TTF2: variants seen among roughly 807,000 people sequenced by gnomAD.
TTF2 encodes the protein transcription termination factor 2.
In TTF2, 108 loss-of-function variants were observed where a neutral mutation model predicts 142.4. The observed-to-expected ratio is 0.76, with a 90% confidence interval of 0.65 to 0.89. TTF2 has a LOEUF of 0.89. Among genes scored for constraint, TTF2 ranks in the 40% least tolerant of loss-of-function variants. The probability of loss-of-function intolerance (pLI) is 0.00; values close to 1 mark genes in which losing one functional copy is unlikely to be tolerated. For missense variants in TTF2, 1,327 were observed against 1,379.8 expected (o/e 0.96, Z 0.61); for synonymous variants, 483 against 506.2 (o/e 0.95, Z 0.61).
In TTF2 at chr1:117,075,748, T is replaced by C; in HGVS notation, c.1164T>C (p.Asp388=). 1 of 1,614,166 alleles carries C rather than the reference T, an allele frequency of 6.2e-7. No homozygotes were observed. The highest frequency in any genetic ancestry group is 8.5e-7 in the Non-Finnish European group (1 of 1,180,026). Residue 388 remains aspartate (D), a synonymous_variant, in exon 5 of 23, where the codon GAT becomes GAC. Transcript: ENST00000369466. The surrounding 1 kb of genome is among the most constrained non-coding windows in gnomAD (Gnocchi z 4.5). ...LETKENLQFP[D]RSVQRKVSPA... ...CGAAGGAAAACCTCCAATTCCCTGA[T>C]CGAAGTGTGCAAAGAAAGGTGTCTC...
At position 117,076,053 on chromosome 1, in the gene TTF2, C is replaced by G; in HGVS notation, c.1276-127C>G. 2 of 1,289,214 alleles carry G rather than the reference C, an allele frequency of 1.6e-6. No individual in the cohort carries two copies. Among genetic ancestry groups the G allele is most frequent in the Non-Finnish European group, 2.1e-6 (2 of 952,686 alleles). The allele number at this position is 1,289,214 out of a possible 1,614,324, so 79.9% of individuals were successfully genotyped here. A position where few individuals can be genotyped will look rare whatever the true frequency, so the allele number is the denominator to read the frequency against. ...GCTGGGTTAAAATTTAAAAAAGGTT[C>G]TGGTTTTTGCACACATATTTAAAAG... is the stretch of plus-strand genomic sequence containing the variant. On this transcript the variant is annotated intron_variant, in intron 5 of 22. Coordinates refer to ENST00000369466, the MANE Select transcript of TTF2 (RefSeq NM_003594.4). The surrounding 1 kb of genome is among the most constrained non-coding windows in gnomAD (Gnocchi z 4.6).
chr1:117,067,377 A>T (rs924732528), intron 3 of TTF2, among the ~76,000 whole-genome samples: 1 of 152,046 alleles, frequency 6.6e-6, no homozygotes, highest in African/African-American at 2.4e-5. Flanking sequence ...TAAAAATACA[A>T]AAAATAGCCG....
Position 117,075,294 on chromosome 1 carries a change from A to T in TTF2, c.710A>T (p.Gln237Leu), listed in dbSNP as rs1656899131. The part of the protein sequence containing the change: ...NELTRPSASS[Q>L]EKSSGKSQDV... ...CTTACAAGACCATCTGCATCTTCTC[A>T]GGAGAAATCAAGTGGTAAGAGTCAA... Residue 237 changes from glutamine (Q) to leucine (L), a missense_variant, in exon 5 of 23, where the codon CAG (glutamine) becomes CTG (leucine). By Grantham distance (113) the Gln-to-Leu change is moderately radical. Transcript: ENST00000369466. The surrounding 1 kb of genome is among the most constrained non-coding windows in gnomAD (Gnocchi z 4.5). 1 of 1,614,232 alleles carries T rather than the reference A, an allele frequency of 6.2e-7. No homozygotes were observed. The highest frequency in any genetic ancestry group is 2.2e-5 in the East Asian group (1 of 44,888).
intron 7 of TTF2, among the ~76,000 whole-genome samples, chr1:117,077,112 A>G (rs1216662946): frequency 1.3e-5 from 2 of 148,804 alleles, no homozygotes; most frequent in African/African-American, 4.9e-5. Flanking sequence ...ACGTATGGGG[A>G]AAAAAAAAAG....
rs947676853 is a variant in TTF2, at chr1:117,097,217, AC to A, written c.3187-133del. 10 of 742,130 alleles carry A rather than the reference AC, an allele frequency of 1.3e-5. No homozygotes were observed. The highest frequency in any genetic ancestry group is 3.6e-5 in the African/African-American group (2 of 55,686). The allele number at this position is 742,130 out of a possible 1,614,324, so 46.0% of individuals were successfully genotyped here. ...TAGCATTATAATGTTAAAAAAAAAAACAATTTATAACAGCAGAAGGAAATTT... is the reference window on the plus strand; with the variant it reads ...TAGCATTATAATGTTAAAAAAAAAAAAATTTATAACAGCAGAAGGAAATTT... On this transcript the variant is annotated intron_variant, in intron 20 of 22. Transcript: ENST00000369466. The surrounding 1 kb of genome is among the most constrained non-coding windows in gnomAD (Gnocchi z 4.1).
intron 18 of TTF2, among the ~76,000 whole-genome samples, chr1:117,094,069 T>C (rs1256367762): frequency 6.6e-6 from 1 of 152,248 alleles, no homozygotes; most frequent in African/African-American, 2.4e-5. Flanking sequence ...AAATAACAGA[T>C]GTAGCTGCTT....
At chr1:117,074,680 G>A (rs1238069065) in intron 4 of TTF2, among the ~76,000 whole-genome samples, 190 bp from the exon 5 acceptor site, 1 of 151,424 alleles carries the variant, frequency 6.6e-6, no homozygotes, top group East Asian at 1.9e-4. Flanking sequence ...ACTGGAGAGG[G>A]GAGGAGGGCA....
At chr1:117,072,087 G>C (rs762738209) in intron 3 of TTF2, among the ~76,000 whole-genome samples, 4 of 152,180 alleles carry the variant, frequency 2.6e-5, no homozygotes, top group Non-Finnish European at 4.4e-5. Flanking sequence ...AAGTCTAGTA[G>C]ACTGGAGGGT....
Position 117,074,972 on chromosome 1 carries a change from G to A in TTF2, c.388G>A (p.Asp130Asn), listed in dbSNP as rs926315013. 1 of 1,613,860 alleles carries A rather than the reference G, an allele frequency of 6.2e-7. No individual in the cohort carries two copies. The highest frequency in any genetic ancestry group is 8.5e-7 in the Non-Finnish European group (1 of 1,179,986). ...GCTGAGAAATCCATTCAAGGTACTT[G>A]ACAAGAATCAAGAACCAGCTCTCTG... ...NWLRNPFKVL[D>N]KNQEPALWKQ... Residue 130 changes from aspartate to asparagine, a missense_variant, in exon 5 of 23, where the codon GAC (aspartate) becomes AAC (asparagine). Coordinates refer to ENST00000369466, the MANE Select transcript of TTF2 (RefSeq NM_003594.4).
intron 19 of TTF2, 29 bp downstream of exon 19, chr1:117,095,396 T>TTGGTCATAATTATGTGAGAAA (rs1649029361): frequency 6.2e-7 from 1 of 1,606,526 alleles, no homozygotes; most frequent in African/African-American, 1.3e-5. Flanking sequence ...TATCCAAGTA[T>TTGGTCATAATTATGTGAGAAA]TGGTCATAAT....
chr1:117,062,710 A>G (rs1655785252), intron 3 of TTF2, among the ~76,000 whole-genome samples: 1 of 152,220 alleles, frequency 6.6e-6, no homozygotes, highest in Admixed American at 6.5e-5. Flanking sequence ...ATCCCTCTCC[A>G]ACTGTCAGGT....
rs1278340648 is a variant in TTF2, at chr1:117,088,861, A to G, written c.2221A>G (p.Asn741Asp). The change falls in exon 13 of 23, where the codon AAT (asparagine) becomes GAT (aspartate). Residue 741 changes from asparagine (N) to aspartate (D), a missense_variant. Coordinates refer to ENST00000369466, the MANE Select transcript of TTF2 (RefSeq NM_003594.4). ...WARIILDEAH[N>D]VKNPRVQTSI... ...TCGAATCATATTGGATGAAGCTCACAATGTTAAGAATCCCCGAGTGCAGAC... is the reference window on the plus strand; with the variant it reads ...TCGAATCATATTGGATGAAGCTCACGATGTTAAGAATCCCCGAGTGCAGAC... The G allele has an allele frequency of 6.2e-7, 1 of 1,614,076 alleles. No individual in the cohort carries two copies. The highest frequency in any genetic ancestry group is 1.7e-5 in the Admixed American group (1 of 60,002).
At chr1:117,096,424 C>T (rs1649155315) in intron 20 of TTF2, 125 bp downstream of exon 20, 1 of 1,250,796 alleles carries the variant, frequency 8.0e-7, no homozygotes, top group African/African-American at 1.5e-5. Context: ...GTTGCCCAGG[C>T]TGGACTGCAA....
chr1:117,076,289 A>C lies in TTF2; in HGVS notation c.1385A>C (p.Glu462Ala). 6.2e-7 allele frequency: 1 copy of C among 1,613,470 alleles called. No homozygotes were observed. Among genetic ancestry groups the C allele is most frequent in the East Asian group, 2.2e-5 (1 of 44,872 alleles). ...CTCAGTGGTCTTACCCTTTCCCCAG[A>C]GCAAGGTAAAGTGGCTTATGCCTCA... ...EVLSGLTLSP[E>A]QGTNEKSNSQ... The change falls in exon 6 of 23, where the codon GAG (glutamate) becomes GCG (alanine). Residue 462 changes from glutamate to alanine, a missense_variant. Physicochemically the swap from Glu to Ala is moderately radical, Grantham distance 107. Coordinates refer to ENST00000369466, the MANE Select transcript of TTF2 (RefSeq NM_003594.4). This position sits in a 1 kb window ranked among gnomAD's most constrained non-coding sequence, Gnocchi z 4.6.
chr1:117,100,844 C>T lies in TTF2; in HGVS notation c.3345-536C>T, dbSNP rs746988277. Among the ~76,000 whole-genome samples, 13 of 152,176 alleles carry T rather than the reference C, an allele frequency of 8.5e-5. No individual in the cohort carries two copies. Among genetic ancestry groups the T allele is most frequent in the Non-Finnish European group, 1.8e-4 (12 of 68,024 alleles). ...TTATTGTTTATTTTCATGTTTGTCTCGCTTTTGTTCTGCTTTGGAGCAAGA... is the reference window on the plus strand; with the variant it reads ...TTATTGTTTATTTTCATGTTTGTCTTGCTTTTGTTCTGCTTTGGAGCAAGA... On this transcript the variant is annotated intron_variant, in intron 22 of 22. Coordinates refer to ENST00000369466, the MANE Select transcript of TTF2 (RefSeq NM_003594.4). This position sits in a 1 kb window ranked among gnomAD's most constrained non-coding sequence, Gnocchi z 4.6.
chr1:117,065,771 A>G (rs548739586), intron 3 of TTF2, among the ~76,000 whole-genome samples: 1 of 55,972 alleles, frequency 1.8e-5, no homozygotes, highest in African/African-American at 5.1e-5. Context: ...GTAAGCCTTT[A>G]TTGCATGAAG....
chr1:117,095,492 C>T, intron 19 of TTF2, 125 bp downstream of exon 19: 1 of 795,168 alleles, frequency 1.3e-6, no homozygotes, highest in Non-Finnish European at 2.1e-6. Context: ...TTATAGCACA[C>T]ATTCCCTGTG....
intron 22 of TTF2, 26 bp downstream of exon 22, chr1:117,098,933 G>T: frequency 6.3e-7 from 1 of 1,593,766 alleles, no homozygotes; most frequent in South Asian, 1.1e-5. Flanking sequence ...CAGGACCCAG[G>T]ACCCTTCTCA....
chr1:117,068,981 T>C (rs1250001939), intron 3 of TTF2, among the ~76,000 whole-genome samples: 1 of 152,250 alleles, frequency 6.6e-6, no homozygotes, highest in African/African-American at 2.4e-5. Context: ...TGTAAACTTT[T>C]AAAAATTACT....
Sources: allele counts gnomAD v4.1 joint callset (sites outside exome capture counted in the v4.1 genomes callset), GRCh38; gene constraint gnomAD v4.1.1; non-coding constraint Gnocchi (gnomAD v3.1); transcripts MANE v1.5; gene names NCBI Gene and HGNC (gene_info 2026-07-23, HGNC 2026-07-21).